BRWD1: variants seen among roughly 807,000 people sequenced by gnomAD.
The protein encoded by BRWD1 is bromodomain and WD repeat-containing protein 1.
Under a neutral mutation model 251.2 loss-of-function variants are expected in BRWD1, and 82 were observed. The ratio of observed to expected loss-of-function variants is 0.33; its 90% CI spans 0.27 to 0.39. The LOEUF is 0.39. Among genes scored for constraint, BRWD1 ranks in the 10% least tolerant of loss-of-function variants. BRWD1 has a pLI of 1.00. For missense variants in BRWD1, 2,233 were observed against 2,711.6 expected (o/e 0.82, Z 3.92); for synonymous variants, 918 against 902.8 (o/e 1.02, Z -0.30).
chr21:39,292,122 TGGGTGGGGGTG>T (rs1433443473), intron 8 of BRWD1, among the ~76,000 whole-genome samples: 3 of 2,178 alleles, frequency 1.4e-3, no homozygotes, highest in Non-Finnish European at 2.1e-3. Flanking sequence ...TTGTGGGGGG[TGGGTGGGGGTG>T]GGGGGGGGGG....
chr21:39,274,452 T>C lies in BRWD1; in HGVS notation c.1166A>G (p.Asp389Gly). The change falls in exon 13 of 41, where the codon GAT becomes GGT. Residue 389 changes from aspartate (D) to glycine (G), a missense_variant. Physicochemically the swap from Asp to Gly is moderately conservative, Grantham distance 94. This residue lies in a region of BRWD1 where 315 missense variants were observed against 421.8 expected (regional missense o/e 0.75). Transcript: ENST00000342449. ...AAATCTCCAAATCCGTGCTGTTCCATCTCTGCTACCACTTAGGAACCTTAA... is the reference window on the plus strand; with the variant it reads ...AAATCTCCAAATCCGTGCTGTTCCACCTCTGCTACCACTTAGGAACCTTAA... ...NGDRFLSGSR[D>G]GTARIWRFEQ... 6.2e-7 allele frequency: 1 copy of C among 1,613,922 alleles called. No homozygotes were observed. The highest frequency in any genetic ancestry group is 8.5e-7 in the Non-Finnish European group (1 of 1,179,882).
At chr21:39,221,870 C>A (rs2033190166) in intron 29 of BRWD1, among the ~76,000 whole-genome samples, 1 of 150,744 alleles carries the variant, frequency 6.6e-6, no homozygotes, top group Non-Finnish European at 1.5e-5. Context: ...CACCACTGCA[C>A]TTCAACCTGG....
intron 21 of BRWD1, among the ~76,000 whole-genome samples, chr21:39,244,084 T>C (rs1450521392): frequency 1.3e-5 from 2 of 151,950 alleles, no homozygotes; most frequent in East Asian, 3.9e-4. Flanking sequence ...CTTTTTTTTT[T>C]CTTTTTTTGA....
At chr21:39,299,486 T>C (rs1308179227) in intron 4 of BRWD1, among the ~76,000 whole-genome samples, 2 of 152,146 alleles carry the variant, frequency 1.3e-5, no homozygotes, top group South Asian at 2.1e-4. Context: ...TAGACAAATA[T>C]ATGTCTGTTA....
upstream of BRWD1, among the ~76,000 whole-genome samples, chr21:39,315,489 C>A (rs1353988505): frequency 2.6e-5 from 4 of 152,106 alleles, no homozygotes; most frequent in East Asian, 7.8e-4. Flanking sequence ...AAAAAATTAG[C>A]CAGGTGTGGC....
chr21:39,224,129 C>T (rs1311591772), intron 29 of BRWD1, among the ~76,000 whole-genome samples: 1 of 152,144 alleles, frequency 6.6e-6, no homozygotes, highest in South Asian at 2.1e-4. Context: ...AGATTACAGG[C>T]GTGAGCCATG....
At chr21:39,206,664 T>C (rs2032403570) in intron 36 of BRWD1, among the ~76,000 whole-genome samples, 1 of 152,210 alleles carries the variant, frequency 6.6e-6, no homozygotes. Flanking sequence ...TGTCTTTCTT[T>C]GGGGCAAGGG....
chr21:39,313,232 C>A lies in BRWD1; in HGVS notation c.108+9G>T. On this transcript the variant is annotated intron_variant, in intron 2 of 40. Coordinates refer to ENST00000342449, the MANE Select transcript of BRWD1 (RefSeq NM_033656.4). Reference sequence around the variant, plus strand: ...CCAAGTCCGCAGCCGCCCGCGGGCCCGCACTCACCTGGGCCGCTCTCCGAC... The same window carrying A: ...CCAAGTCCGCAGCCGCCCGCGGGCCAGCACTCACCTGGGCCGCTCTCCGAC... 3 of 1,534,100 alleles carry A rather than the reference C, an allele frequency of 2.0e-6. No homozygotes were observed. The highest frequency in any genetic ancestry group is 1.4e-5 in the African/African-American group (1 of 69,864).
In BRWD1 at chr21:39,304,455, T is replaced by A. The variant is rs183753201; in HGVS notation, c.199-5873A>T. 9.8e-3 allele frequency among the ~76,000 whole-genome samples: 1,476 copies of A among 150,692 alleles called. 11 individuals are homozygous for A. Among genetic ancestry groups the A allele is most frequent in the Middle Eastern group, 0.024 (7 of 292 alleles). Reference sequence around the variant, plus strand: ...GTGAGACAGTCTCTAGAAAAAAAAATTTTTTTTAATTAGCCGGCCATGATG... The same window carrying A: ...GTGAGACAGTCTCTAGAAAAAAAAAATTTTTTTAATTAGCCGGCCATGATG... On this transcript the variant is annotated intron_variant, in intron 4 of 40. Coordinates refer to ENST00000342449, the MANE Select transcript of BRWD1 (RefSeq NM_033656.4).
At chr21:39,276,673 C>T (rs1333423980) in intron 11 of BRWD1, among the ~76,000 whole-genome samples, 1 of 152,150 alleles carries the variant, frequency 6.6e-6, no homozygotes, top group South Asian at 2.1e-4. Flanking sequence ...ATGGCCCAAC[C>T]CTGACCAGTA....
chr21:39,247,002 C>T (rs1250164031), intron 21 of BRWD1, among the ~76,000 whole-genome samples: 3 of 150,848 alleles, frequency 2.0e-5, no homozygotes, highest in African/African-American at 4.9e-5. Context: ...CGCTTGAACC[C>T]GGGAGGCAGA....
chr21:39,265,291 A>C (rs1420961641), intron 15 of BRWD1, among the ~76,000 whole-genome samples: 1 of 151,982 alleles, frequency 6.6e-6, no homozygotes, highest in Non-Finnish European at 1.5e-5. Context: ...CGGGCGTGGC[A>C]GTGTGCGTCT....
chr21:39,301,133 G>A (rs1485288132), intron 4 of BRWD1, among the ~76,000 whole-genome samples: 1 of 151,100 alleles, frequency 6.6e-6, no homozygotes, highest in Non-Finnish European at 1.5e-5. Flanking sequence ...GAGCCAAGAT[G>A]GCGCCACTGC....
chr21:39,233,571 T>C (rs1465801100), intron 23 of BRWD1, among the ~76,000 whole-genome samples: 2 of 152,198 alleles, frequency 1.3e-5, no homozygotes, highest in Non-Finnish European at 2.9e-5. Context: ...TTAAAATTCC[T>C]TGAAGTCTAC....
intron 1 of BRWD1, among the ~76,000 whole-genome samples, chr21:39,319,085 A>G (rs2036724856): frequency 6.6e-6 from 1 of 152,174 alleles, no homozygotes; most frequent in Non-Finnish European, 1.5e-5. Context: ...CTTTCAAAGT[A>G]AAAATGAAGA....
At chr21:39,313,124 C>G (rs1402076244) in intron 2 of BRWD1, 23 bp from the exon 3 acceptor site, 23 of 1,496,276 alleles carry the variant, frequency 1.5e-5, no homozygotes, top group Non-Finnish European at 2.0e-5. Context: ...GACGCGCGGT[C>G]AGGGGTGGGG....
At chr21:39,262,530 C>A (rs2034787164) in intron 17 of BRWD1, among the ~76,000 whole-genome samples, 1 of 152,164 alleles carries the variant, frequency 6.6e-6, no homozygotes. Flanking sequence ...TCCTGGCCAA[C>A]ATGGTGAAAC....
At position 39,229,402 on chromosome 21, in the gene BRWD1, T is replaced by C. The variant is rs2033517702; in HGVS notation, c.3035A>G (p.Tyr1012Cys). ...QELVKIVGIR[Y>C]EVGPPTLCCL... is the part of the protein sequence containing the mutation. ...ACAGAGTGTAGGGGGCCCAACTTCA[T>C]ATCGTATTCCAACTATTTTAACCAA... Residue 1012 changes from tyrosine to cysteine, a missense_variant, in exon 26 of 41, where the codon TAT becomes TGT. Coordinates refer to ENST00000342449, the MANE Select transcript of BRWD1 (RefSeq NM_033656.4). The C allele has an allele frequency of 1.2e-6, 2 of 1,610,512 alleles. No homozygotes were observed.
At chr21:39,304,721 T>C (rs2036230744) in intron 4 of BRWD1, among the ~76,000 whole-genome samples, 1 of 151,918 alleles carries the variant, frequency 6.6e-6, no homozygotes, top group African/African-American at 2.4e-5. Flanking sequence ...ACAAAAAGGT[T>C]GAAAGGAAAA....
Sources: gnomAD v4.1 joint callset for allele counts (sites outside exome capture counted in the v4.1 genomes callset) on GRCh38, gnomAD v4.1.1 for gene constraint, gnomAD v4.1.1 regional missense constraint, MANE v1.5 for transcripts, NCBI Gene and HGNC (gene_info 2026-07-23, HGNC 2026-07-21) for gene names.